The following RNF175 variants were observed in gnomAD, a reference collection of about 807,000 sequenced individuals.
The protein encoded by RNF175 is ring finger protein 175.
Under a neutral mutation model 50.0 loss-of-function variants are expected in RNF175, and 38 were observed. That is an observed-to-expected ratio of 0.76 (90% CI 0.59 to 1.00). The LOEUF (loss-of-function observed/expected upper bound fraction) is 1.00, where lower values mean the gene tolerates loss of function less well. Ranked by LOEUF, RNF175 falls within the 50% of genes least tolerant of loss-of-function variation. The probability of loss-of-function intolerance (pLI) is 0.00; values close to 1 mark genes in which losing one functional copy is unlikely to be tolerated. For missense variants in RNF175, 388 were observed against 409.6 expected (o/e 0.95, Z 0.46); for synonymous variants, 155 against 146.1 (o/e 1.06, Z -0.44).
chr4:153,726,248 GCACCTGCCACCA>G (rs1738692365), intron 4 of RNF175, among the ~76,000 whole-genome samples: 1 of 152,106 alleles, frequency 6.6e-6, no homozygotes, highest in Non-Finnish European at 1.5e-5. Context: ...GGGATTACAA[GCACCTGCCACCA>G]CACCCAGCTA....
At chr4:153,714,083 A>G (rs1737756455) in intron 7 of RNF175, 1 of 152,252 alleles carries the variant, frequency 6.6e-6, no homozygotes, top group Admixed American at 6.5e-5. Flanking sequence ...AGCAAATTTA[A>G]AGGTGACTAC....
At chr4:153,712,932 T>C (rs1251718527) in intron 7 of RNF175, among the ~76,000 whole-genome samples, 1 of 152,070 alleles carries the variant, frequency 6.6e-6, no homozygotes, top group Non-Finnish European at 1.5e-5. Flanking sequence ...TGTGCGTTTC[T>C]CAGGCATTTA....
At chr4:153,741,040 T>C (rs984091217) in intron 3 of RNF175, among the ~76,000 whole-genome samples, 1 of 152,246 alleles carries the variant, frequency 6.6e-6, no homozygotes. Flanking sequence ...AACTTTTGGC[T>C]ATTACGCTGG....
At chr4:153,749,550 T>C (rs1740177766) in intron 2 of RNF175, among the ~76,000 whole-genome samples, 1 of 152,194 alleles carries the variant, frequency 6.6e-6, no homozygotes, top group South Asian at 2.1e-4. Flanking sequence ...GCACAGACAT[T>C]CCCATGATGG....
chr4:153,741,380 C>T (rs765667146), intron 3 of RNF175, among the ~76,000 whole-genome samples: 15 of 152,334 alleles, frequency 9.8e-5, no homozygotes, highest in Middle Eastern at 3.4e-3. Flanking sequence ...TGTCAGACCC[C>T]GGTGGGGTAG....
At chr4:153,734,942 C>T (rs981234923) in intron 3 of RNF175, among the ~76,000 whole-genome samples, 4 of 152,060 alleles carry the variant, frequency 2.6e-5, no homozygotes, top group African/African-American at 9.7e-5. Flanking sequence ...TCCCAAAGTG[C>T]AGGGATTACA....
At chr4:153,728,989 C>T (rs1010508006) in intron 3 of RNF175, among the ~76,000 whole-genome samples, 6 of 152,148 alleles carry the variant, frequency 3.9e-5, no homozygotes, top group Non-Finnish European at 7.3e-5. Flanking sequence ...TCCAAGTAGC[C>T]TTCAGAGGGT....
chr4:153,715,827 G>A (rs1737881396), intron 6 of RNF175, among the ~76,000 whole-genome samples, 165 bp from the exon 7 acceptor site: 1 of 152,078 alleles, frequency 6.6e-6, no homozygotes, highest in Non-Finnish European at 1.5e-5. Context: ...ACTTTGGGAG[G>A]CTGAGGCAGG....
rs1739132309 is a variant in RNF175 at position 153,733,051 on chromosome 4, CT to C, written c.247-4691del. On this transcript the variant is annotated intron_variant, in intron 3 of 8. Transcript: ENST00000347063. The stretch of plus-strand genomic sequence containing the variant: ...TTTTCTAAATAAACCATTTCTTTTG[CT>C]TTAGGTATTTATAATAAGCTGCTCT... Among the ~76,000 whole-genome samples the C allele has an allele frequency of 2.0e-5, 3 of 152,106 alleles. No homozygotes were observed. The South Asian group carries it at 6.2e-4, about 32-fold the overall frequency.
intron 7 of RNF175, chr4:153,715,238 T>A: frequency 4.6e-6 from 2 of 438,658 alleles, no homozygotes; most frequent in Non-Finnish European, 8.5e-6. Context: ...CACTTATGAC[T>A]TCAACCAATT....
intron 3 of RNF175, among the ~76,000 whole-genome samples, chr4:153,743,153 G>A (rs1231620028): frequency 2.0e-5 from 3 of 152,184 alleles, no homozygotes; most frequent in African/African-American, 7.2e-5. Context: ...GTATAAGAAA[G>A]CTGGAAACCA....
At chr4:153,745,786 TC>T (rs1192636456) in intron 3 of RNF175, 10 of 152,188 alleles carry the variant, frequency 6.6e-5, no homozygotes, top group African/African-American at 2.2e-4. Context: ...GAGAAACTCA[TC>T]CTTTTATAAG....
intron 7 of RNF175, chr4:153,713,920 T>G (rs1221376742): frequency 6.6e-6 from 1 of 152,218 alleles, no homozygotes; most frequent in Non-Finnish European, 1.5e-5. Flanking sequence ...TCTTTTTCAT[T>G]TTCAAAATCT....
chr4:153,743,189 T>C (rs1739770923), intron 3 of RNF175, among the ~76,000 whole-genome samples: 1 of 152,220 alleles, frequency 6.6e-6, no homozygotes, highest in African/African-American at 2.4e-5. Context: ...AGTGGTACTC[T>C]AGGAACAATT....
chr4:153,714,311 T>G (rs1737772387), intron 7 of RNF175: 1 of 152,190 alleles, frequency 6.6e-6, no homozygotes, highest in Non-Finnish European at 1.5e-5. Context: ...GAAATCCATA[T>G]GGGGTATCTT....
At chr4:153,714,858 A>G (rs1201254640) in intron 7 of RNF175, 1 of 155,352 alleles carries the variant, frequency 6.4e-6, no homozygotes, top group Non-Finnish European at 1.4e-5. Context: ...AAGATCCCTC[A>G]GCCAATGGAT....
At chr4:153,737,464 T>TGGG (rs1739412001) in intron 3 of RNF175, among the ~76,000 whole-genome samples, 1 of 152,186 alleles carries the variant, frequency 6.6e-6, no homozygotes, top group Non-Finnish European at 1.5e-5. Context: ...AATTTTCCTC[T>TGGG]AAGCACTGCT....
At chr4:153,758,543 C>T (rs1196635710) in intron 1 of RNF175, among the ~76,000 whole-genome samples, 1 of 152,188 alleles carries the variant, frequency 6.6e-6, no homozygotes, top group Non-Finnish European at 1.5e-5. Flanking sequence ...TCTGACACTC[C>T]TGGCATGCAT....
At chr4:153,759,773 A>T in intron 1 of RNF175, 24 bp downstream of exon 1, 1 of 1,454,508 alleles carries the variant, frequency 6.9e-7, no homozygotes, top group Non-Finnish European at 9.1e-7. Context: ...GGCGTCCCCC[A>T]CGCCCGCGCC....
Sources: allele counts gnomAD v4.1 joint callset (sites outside exome capture counted in the v4.1 genomes callset), GRCh38; gene constraint gnomAD v4.1.1; transcripts MANE v1.5; gene names NCBI Gene and HGNC (gene_info 2026-07-23, HGNC 2026-07-21).